The following CFDP1 variants were observed in gnomAD, a reference collection of about 807,000 sequenced individuals.
CFDP1 encodes the protein chromatin remodeling protein CFDP1.
In CFDP1, 31 loss-of-function variants were observed where a neutral mutation model predicts 40.1. That is an observed-to-expected ratio of 0.77 (90% CI 0.58 to 1.04). The LOEUF (loss-of-function observed/expected upper bound fraction) is 1.04, where lower values mean the gene tolerates loss of function less well. CFDP1 is among the 50% of genes least tolerant of loss of function. CFDP1 has a pLI of 0.00. For synonymous variants in CFDP1, 167 were observed against 120.0 expected (o/e 1.39, Z -2.56); for missense variants, 423 against 343.4 (o/e 1.23, Z -1.83).
chr16:75,318,944 C>T (rs1014832209), intron 5 of CFDP1, among the ~76,000 whole-genome samples: 1 of 152,166 alleles, frequency 6.6e-6, no homozygotes, highest in Admixed American at 6.5e-5. Flanking sequence ...TCATGCCTGC[C>T]CCTTTCTAGA....
Position 75,293,824 on chromosome 16 carries a change from T to C in CFDP1, c.*128A>G, listed in dbSNP as rs1205655002. 1 of 692,440 alleles carries C rather than the reference T, an allele frequency of 1.4e-6. No individual in the cohort carries two copies. The highest frequency in any genetic ancestry group is 1.8e-5 in the African/African-American group (1 of 55,230). The allele number at this position is 692,440 out of a possible 1,614,324, so 42.9% of individuals were successfully genotyped here. On this transcript the variant is annotated 3_prime_UTR_variant, in exon 7 of 7. Coordinates refer to ENST00000283882, the MANE Select transcript of CFDP1 (RefSeq NM_006324.3). The stretch of plus-strand genomic sequence containing the variant: ...TGTGATTAAGATACATAGACAGAAC[T>C]TCAATGTAGAAAAAAAAAAGACCTT...
At chr16:75,311,946 G>C (rs2078295389) in intron 5 of CFDP1, among the ~76,000 whole-genome samples, 1 of 151,964 alleles carries the variant, frequency 6.6e-6, no homozygotes. Context: ...ATATTGTCCA[G>C]AGCCACGGAA....
rs1226866033 is a variant in CFDP1 at position 75,411,841 on chromosome 16, C to A, written c.514G>T (p.Ala172Ser). The stretch of plus-strand genomic sequence containing the variant: ...TTCTCTTACCTTACTTCTTCACCAG[C>A]AAAATCAAACACCTTGGTGATTTTA... ...KVKITKVFDF[A>S]GEEVRVTKEV... The change falls in exon 4 of 7, where the codon GCT (alanine) becomes TCT (serine). Residue 172 changes from alanine (A) to serine (S), a missense_variant. Ala to Ser is a moderately conservative substitution (Grantham distance 99, BLOSUM62 1). Transcript: ENST00000283882. The A allele has an allele frequency of 1.9e-6, 3 of 1,608,490 alleles. No individual in the cohort carries two copies. The highest frequency in any genetic ancestry group is 2.5e-6 in the Non-Finnish European group (3 of 1,178,868).
chr16:75,425,075 C>T (rs1237229128), intron 1 of CFDP1, among the ~76,000 whole-genome samples: 2 of 151,088 alleles, frequency 1.3e-5, no homozygotes, highest in Non-Finnish European at 3.0e-5. Flanking sequence ...AAACTTTTTA[C>T]ACCTAAAAAA....
chr16:75,353,567 G>A (rs1363275096), intron 5 of CFDP1, among the ~76,000 whole-genome samples: 1 of 151,800 alleles, frequency 6.6e-6, no homozygotes, highest in Admixed American at 6.6e-5. Flanking sequence ...CGAGACCATG[G>A]TGAAACCCCA....
intron 1 of CFDP1, among the ~76,000 whole-genome samples, chr16:75,422,875 T>C (rs979408247): frequency 5.9e-5 from 9 of 151,278 alleles, no homozygotes; most frequent in Non-Finnish European, 1.2e-4. Context: ...AATCCAGGTT[T>C]TCTCACACCT....
intron 5 of CFDP1, among the ~76,000 whole-genome samples, chr16:75,315,876 A>G (rs2078320609): frequency 6.6e-6 from 1 of 152,112 alleles, no homozygotes; most frequent in Admixed American, 6.6e-5. Flanking sequence ...ACCTCCCAAA[A>G]TGGCCTCGTT....
intron 5 of CFDP1, among the ~76,000 whole-genome samples, chr16:75,352,795 CTT>C (rs1456076927): frequency 3.3e-5 from 5 of 152,124 alleles, no homozygotes; most frequent in African/African-American, 9.7e-5. Flanking sequence ...ATAAAATAGA[CTT>C]TGTGTTACAT....
intron 1 of CFDP1, among the ~76,000 whole-genome samples, chr16:75,420,403 G>A (rs923156212): frequency 6.6e-6 from 1 of 152,268 alleles, no homozygotes; most frequent in Non-Finnish European, 1.5e-5. Flanking sequence ...GATTTACAGA[G>A]AACTGAAGGA....
intron 5 of CFDP1, 119 bp downstream of exon 5, chr16:75,394,971 A>G: frequency 1.6e-6 from 2 of 1,245,706 alleles, no homozygotes; most frequent in Non-Finnish European, 2.2e-6. Context: ...GCAAAGGCAA[A>G]GCAGCATCAT....
chr16:75,299,610 T>C (rs926767264), intron 6 of CFDP1, among the ~76,000 whole-genome samples: 2 of 149,686 alleles, frequency 1.3e-5, no homozygotes, highest in Non-Finnish European at 3.0e-5. Flanking sequence ...AAAAAAAAAA[T>C]TCGAATCCTA....
In CFDP1 at chr16:75,418,732, TA is replaced by T. The variant is rs35716697; in HGVS notation, c.65-4038del. On this transcript the variant is annotated intron_variant, in intron 1 of 6. Coordinates refer to ENST00000283882, the MANE Select transcript of CFDP1 (RefSeq NM_006324.3). ...GACCATTTACCACAAAAAGGCTCCC[TA>T]AAAAAAAAAAAAAAAAAACTCATTT... is the stretch of plus-strand genomic sequence containing the variant. Among the ~76,000 whole-genome samples, 540 of 130,620 alleles carry T rather than the reference TA, an allele frequency of 4.1e-3. 4 individuals are homozygous for T. Among genetic ancestry groups the T allele is most frequent in the African/African-American group, 0.015 (482 of 32,954 alleles). The allele number at this position is 130,620 out of a possible 152,430, so 85.7% of individuals were successfully genotyped here.
intron 5 of CFDP1, among the ~76,000 whole-genome samples, chr16:75,331,772 T>C (rs535673195): frequency 2.2e-4 from 33 of 152,374 alleles, no homozygotes; most frequent in African/African-American, 7.5e-4. Flanking sequence ...TTTCCAGTTT[T>C]ACACTATCAG....
intron 4 of CFDP1, among the ~76,000 whole-genome samples, chr16:75,399,056 C>CAAAAAAAAAAAAAAAAAAAAAAAAAA (rs58692180): frequency 1.0e-5 from 1 of 98,064 alleles, no homozygotes; most frequent in Non-Finnish European, 2.1e-5. Context: ...GACTCCGTCT[C>CAAAAAAAAAAAAAAAAAAAAAAAAAA]AAAAAAAAAA....
At chr16:75,308,214 C>A (rs2078271164) in intron 5 of CFDP1, among the ~76,000 whole-genome samples, 2 of 152,194 alleles carry the variant, frequency 1.3e-5, no homozygotes, top group Non-Finnish European at 2.9e-5. Flanking sequence ...AACGGCCAGC[C>A]TCCTACCCTC....
intron 1 of CFDP1, among the ~76,000 whole-genome samples, chr16:75,419,986 G>C (rs934122070): frequency 2.6e-5 from 4 of 151,708 alleles, no homozygotes; most frequent in Admixed American, 6.6e-5. Flanking sequence ...CGAGATCCAA[G>C]AACCCTCTCT....
chr16:75,407,138 T>C (rs1170902920), intron 4 of CFDP1, among the ~76,000 whole-genome samples: 1 of 152,166 alleles, frequency 6.6e-6, no homozygotes, highest in Admixed American at 6.6e-5. Context: ...GCCCATGAGT[T>C]CAAGGTTACA....
intron 5 of CFDP1, among the ~76,000 whole-genome samples, chr16:75,344,194 C>T (rs1368686683): frequency 1.3e-5 from 2 of 152,184 alleles, no homozygotes; most frequent in East Asian, 3.9e-4. Context: ...GAAAAGCTTG[C>T]TCTGTCAGTA....
intron 1 of CFDP1, among the ~76,000 whole-genome samples, chr16:75,420,335 A>G (rs2079264020): frequency 6.6e-6 from 1 of 152,154 alleles, no homozygotes; most frequent in South Asian, 2.1e-4. Flanking sequence ...GTCCATTGAT[A>G]ATGCATTCTG....
Sources: allele counts gnomAD v4.1 joint callset (sites outside exome capture counted in the v4.1 genomes callset), GRCh38; gene constraint gnomAD v4.1.1; transcripts MANE v1.5; gene names NCBI Gene and HGNC (gene_info 2026-07-23, HGNC 2026-07-21).